The following MAPK6 variants were observed in gnomAD, a reference collection of about 807,000 sequenced individuals.
The protein encoded by MAPK6 is ERK-3.
In MAPK6, 19 loss-of-function variants were observed where a neutral mutation model predicts 59.3. The ratio of observed to expected loss-of-function variants is 0.32; its 90% confidence interval spans 0.22 to 0.47. MAPK6 has a LOEUF of 0.47. Ranked by LOEUF, MAPK6 falls within the 20% of genes least tolerant of loss-of-function variation. The pLI, the probability that MAPK6 is intolerant of heterozygous loss-of-function variation, is 1.00. For missense variants in MAPK6, 724 were observed against 847.9 expected, an observed-to-expected ratio of 0.85 and a Z score of 1.81; for synonymous variants, 316 against 290.3, an observed-to-expected ratio of 1.09 and a Z score of -0.90.
chr15:52,067,098 T>C lies in MAPK6; in HGVS notation c.*2098T>C, dbSNP rs1245579648. 5.3e-5 allele frequency: 8 copies of C among 152,180 alleles called. No homozygotes were observed. Among genetic ancestry groups the C allele is most frequent in the Non-Finnish European group, 5.9e-5 (4 of 68,034 alleles). The allele number at this position is 152,180 out of a possible 1,614,324, so 9.4% of individuals were successfully genotyped here. A position where few individuals can be genotyped will look rare whatever the true frequency, so the allele number is the denominator to read the frequency against. On this transcript the variant is annotated 3_prime_UTR_variant, in exon 6 of 6. Coordinates refer to ENST00000261845, the MANE Select transcript of MAPK6 (RefSeq NM_002748.4). ...TTTTGAGAATAATTAGCTTTGACTC[T>C]AAAATGCTGTCTTCCCTGAAGGAGA...
intron 4 of MAPK6, among the ~76,000 whole-genome samples, chr15:52,059,338 G>T (rs1408577107): frequency 6.6e-6 from 1 of 151,954 alleles, no homozygotes; most frequent in Non-Finnish European, 1.5e-5. Context: ...GTCTTCCCTG[G>T]GCTGGTCTTG....
intron 1 of MAPK6, among the ~76,000 whole-genome samples, chr15:52,042,450 C>T (rs2921955): frequency 0.014 from 2,142 of 152,206 alleles, 39 homozygotes; most frequent in African/African-American, 0.05. Context: ...ACTCTTACCT[C>T]GTTAAGTGCT....
intron 1 of MAPK6, among the ~76,000 whole-genome samples, chr15:52,029,156 G>A (rs2030930599): frequency 6.6e-6 from 1 of 152,170 alleles, no homozygotes. Flanking sequence ...TCCTGCCTCA[G>A]CCTCCCCAGT....
At chr15:52,038,964 C>G (rs1343826158) in intron 1 of MAPK6, among the ~76,000 whole-genome samples, 1 of 152,098 alleles carries the variant, frequency 6.6e-6, no homozygotes, top group African/African-American at 2.4e-5. Flanking sequence ...GATGTTATTA[C>G]TAGTTTATCT....
At chr15:52,019,767 C>T (rs1054155265) in intron 1 of MAPK6, among the ~76,000 whole-genome samples, 3 of 151,846 alleles carry the variant, frequency 2.0e-5, no homozygotes, top group African/African-American at 7.2e-5. Flanking sequence ...CGCCTGGCTC[C>T]GCGGGTTCGA....
Position 52,061,285 on chromosome 15 carries a change from C to A in MAPK6, c.866-14C>A. On this transcript the variant is annotated splice_polypyrimidine_tract_variant and intron_variant, in intron 4 of 5. Transcript: ENST00000261845. ...CAATTCTTTTCTGAAAAACTTTTAC[C>A]TTTTCCTCTGCAGCACTGGATTTCC... 1.2e-6 allele frequency: 2 copies of A among 1,607,408 alleles called. No homozygotes were observed. Among genetic ancestry groups the A allele is most frequent in the Non-Finnish European group, 1.7e-6 (2 of 1,175,226 alleles).
intron 2 of MAPK6, among the ~76,000 whole-genome samples, chr15:52,049,612 ATTT>A (rs934846995): frequency 4.8e-5 from 6 of 124,168 alleles, no homozygotes; most frequent in African/African-American, 1.5e-4. Flanking sequence ...AAAGATTAGG[ATTT>A]TTTTTTTTTT....
intron 3 of MAPK6, among the ~76,000 whole-genome samples, chr15:52,056,108 G>C (rs963694917): frequency 6.6e-6 from 1 of 152,186 alleles, no homozygotes; most frequent in East Asian, 1.9e-4. Flanking sequence ...AAAAGGTAAG[G>C]ACCAAGCACT....
At chr15:51,990,969 A>G (rs186876127) in intron 2 of MAPK6, among the ~76,000 whole-genome samples, 6 of 151,862 alleles carry the variant, frequency 4.0e-5, no homozygotes, top group African/African-American at 1.4e-4. Flanking sequence ...AAACAAACAA[A>G]CAAACAAAAT....
In MAPK6 at chr15:52,043,742, A is replaced by ATTTTTTT. The variant is rs71130125; in HGVS notation, c.-631-2060_-631-2054dup. On this transcript the variant is annotated intron_variant, in intron 1 of 5. Transcript: ENST00000261845. Reference sequence around the variant, plus strand: ...TGATATGTTGGACTTAAGTTGTTTGATTTTTTTTTTTTTTTTTTTTTTTTT... The same window carrying ATTTTTTT: ...TGATATGTTGGACTTAAGTTGTTTGATTTTTTTTTTTTTTTTTTTTTTTTTTTTTTTT... 4.9e-3 allele frequency among the ~76,000 whole-genome samples: 199 copies of ATTTTTTT among 40,670 alleles called. 30 individuals carry two copies. Among genetic ancestry groups the ATTTTTTT allele is most frequent in the Non-Finnish European group, 6.1e-3 (138 of 22,484 alleles). The allele number at this position is 40,670 out of a possible 152,430, so 26.7% of individuals were successfully genotyped here. A position where few individuals can be genotyped will look rare whatever the true frequency, so the allele number is the denominator to read the frequency against.
At chr15:52,062,013 T>C (rs1310558264) in intron 5 of MAPK6, among the ~76,000 whole-genome samples, 1 of 151,906 alleles carries the variant, frequency 6.6e-6, no homozygotes, top group Non-Finnish European at 1.5e-5. Flanking sequence ...CTCCAGTGTC[T>C]CAGTGGTAGT....
intron 1 of MAPK6, among the ~76,000 whole-genome samples, chr15:51,973,498 T>G (rs1189781365): frequency 6.6e-6 from 1 of 151,934 alleles, no homozygotes; most frequent in Non-Finnish European, 1.5e-5. Context: ...TGGGCCACAG[T>G]GCCTGGCTAA....
At chr15:51,991,225 G>A (rs2057207724) in intron 2 of MAPK6, among the ~76,000 whole-genome samples, 1 of 151,354 alleles carries the variant, frequency 6.6e-6, no homozygotes, top group Non-Finnish European at 1.5e-5. Context: ...ATATATATGT[G>A]TATATATGTG....
intron 2 of MAPK6, among the ~76,000 whole-genome samples, chr15:51,995,070 G>A (rs2057220688): frequency 6.6e-6 from 1 of 152,238 alleles, no homozygotes; most frequent in Non-Finnish European, 1.5e-5. Context: ...TTTGCAAGAA[G>A]TCTCTGAGTC....
intron 3 of MAPK6, among the ~76,000 whole-genome samples, chr15:52,055,285 T>G (rs181944873): frequency 1.7e-3 from 252 of 152,292 alleles, no homozygotes; most frequent in African/African-American, 5.6e-3. Flanking sequence ...CACACACCTG[T>G]GGTCCCAGCT....
chr15:51,973,151 C>T (rs2057142820), intron 1 of MAPK6, among the ~76,000 whole-genome samples: 1 of 151,832 alleles, frequency 6.6e-6, no homozygotes, highest in Admixed American at 6.6e-5. Context: ...AACTTCAGTG[C>T]TTAACAGGGT....
intron 3 of MAPK6, among the ~76,000 whole-genome samples, chr15:52,054,096 G>A (rs371341664): frequency 9.9e-5 from 15 of 151,820 alleles, no homozygotes; most frequent in East Asian, 9.7e-4. Flanking sequence ...AGCTGGGCGC[G>A]GTGGCTCACA....
chr15:52,025,055 A>T (rs946180505), intron 1 of MAPK6, among the ~76,000 whole-genome samples: 1 of 151,996 alleles, frequency 6.6e-6, no homozygotes, highest in African/African-American at 2.4e-5. Context: ...CACCTGGGCA[A>T]CATAGTGAGA....
At chr15:52,039,477 C>T (rs375410368) in intron 1 of MAPK6, among the ~76,000 whole-genome samples, 1 of 147,914 alleles carries the variant, frequency 6.8e-6, no homozygotes, top group East Asian at 2.0e-4. Flanking sequence ...AATTTAAGAA[C>T]ACAAATTGGT....
Sources: allele counts gnomAD v4.1 joint callset (sites outside exome capture counted in the v4.1 genomes callset), GRCh38; gene constraint gnomAD v4.1.1; transcripts MANE v1.5; gene names NCBI Gene and HGNC (gene_info 2026-07-23, HGNC 2026-07-21).